Variants in CCDC178 observed in about 807,000 individuals in gnomAD.
CCDC178 encodes coiled-coil domain containing 178.
Under a neutral mutation model 117.4 loss-of-function variants are expected in CCDC178, and 126 were observed. That is an observed-to-expected ratio of 1.07 (90% CI 0.93 to 1.24). The LOEUF is 1.24. Among genes scored for constraint, CCDC178 ranks in the 50% most tolerant of loss-of-function variants. CCDC178 has a pLI of 0.00. For missense variants in CCDC178, 1,030 were observed against 986.9 expected, an observed-to-expected ratio of 1.04 and a Z score of -0.59; for synonymous variants, 283 against 313.4, an observed-to-expected ratio of 0.90 and a Z score of 1.02.
At chr18:32,968,103 T>G (rs367549992) in intron 22 of CCDC178, among the ~76,000 whole-genome samples, 61 of 151,998 alleles carry the variant, frequency 4.0e-4, no homozygotes, top group African/African-American at 1.4e-3. Flanking sequence ...TCCTGTCTAA[T>G]TGTAACGTTG....
intron 11 of CCDC178, among the ~76,000 whole-genome samples, chr18:33,307,665 T>A (rs1485881635): frequency 1.3e-5 from 2 of 152,112 alleles, no homozygotes. Flanking sequence ...TCATTACAGG[T>A]CTGGAGGCCT....
At chr18:33,191,782 G>A (rs1005717588) in intron 20 of CCDC178, among the ~76,000 whole-genome samples, 9 of 151,960 alleles carry the variant, frequency 5.9e-5, no homozygotes, top group African/African-American at 1.5e-4. Context: ...AAAATAAAAC[G>A]AGAGACAGAC....
At chr18:33,336,157 G>A (rs2062737260) in intron 9 of CCDC178, among the ~76,000 whole-genome samples, 1 of 152,070 alleles carries the variant, frequency 6.6e-6, no homozygotes, top group Non-Finnish European at 1.5e-5. Context: ...TTGTATAAGA[G>A]AAACAAACAA....
intron 20 of CCDC178, among the ~76,000 whole-genome samples, chr18:33,111,809 G>A (rs2057786666): frequency 6.6e-6 from 1 of 151,690 alleles, no homozygotes; most frequent in South Asian, 2.1e-4. Context: ...TAACTGGGTA[G>A]AAGTGAAAAT....
intron 9 of CCDC178, 108 bp from the exon 10 acceptor site, chr18:33,333,502 ACT>A: frequency 2.4e-6 from 1 of 420,654 alleles, no homozygotes. Flanking sequence ...TGTGAATCTT[ACT>A]ACTTTTTTTT....
intron 9 of CCDC178, among the ~76,000 whole-genome samples, chr18:33,336,134 T>A (rs771529546): frequency 6.6e-6 from 1 of 152,134 alleles, no homozygotes; most frequent in Non-Finnish European, 1.5e-5. Context: ...TCAGGAAGCA[T>A]TGTTTTCTTC....
Position 33,080,400 on chromosome 18 carries a change from A to G in CCDC178, c.2388+12361T>C, listed in dbSNP as rs185398374. 6.6e-5 allele frequency among the ~76,000 whole-genome samples: 10 copies of G among 152,232 alleles called. No individual in the cohort carries two copies. In the East Asian group the frequency reaches 1.9e-3, roughly 29 times the overall value. The stretch of plus-strand genomic sequence containing the variant: ...ACCTATGTAACAAACCTGCACATGT[A>G]ACCCTGAACCTAAAATAAAAGTTAA... On this transcript the variant is annotated intron_variant, in intron 21 of 22. Transcript: ENST00000383096.
At chr18:33,055,335 ATTCTTTTTCTTTTTTTTAAG>A in intron 21 of CCDC178, among the ~76,000 whole-genome samples, 2 of 151,720 alleles carry the variant, frequency 1.3e-5, no homozygotes, top group African/African-American at 4.8e-5. Flanking sequence ...TTAACTTCCT[ATTCTTTTTCTTTTTTTTAAG>A]ACAGGGTCTC....
intron 22 of CCDC178, among the ~76,000 whole-genome samples, chr18:32,945,964 C>G (rs531948756): frequency 6.6e-6 from 1 of 151,866 alleles, no homozygotes; most frequent in Non-Finnish European, 1.5e-5. Flanking sequence ...AATTATCTTT[C>G]TTTATGTTAA....
Position 33,412,051 on chromosome 18 carries a change from C to G in CCDC178, c.38G>C (p.Arg13Thr). The G allele has an allele frequency of 6.6e-7, 1 of 1,504,394 alleles. No homozygotes were observed. Among genetic ancestry groups the G allele is most frequent in the Non-Finnish European group, 9.2e-7 (1 of 1,092,534 alleles). 93.2% of individuals were successfully genotyped at this position (1,504,394 alleles called of 1,614,324 possible). ...CTTACCTATATTGGTTTGATCATCT[C>G]TAGTGGAAGAAGAGGAAACTGTCTT... Reference protein sequence around the residue: ...ENKTVSSSSTRDDQTNIGLTC... With the variant: ...ENKTVSSSSTTDDQTNIGLTC... The change falls in exon 3 of 23, where the codon AGA (arginine) becomes ACA (threonine). Residue 13 changes from arginine to threonine, a missense_variant. Physicochemically the swap from Arg to Thr is moderately conservative, Grantham distance 71 (BLOSUM62 -1). Coordinates refer to ENST00000383096, the MANE Select transcript of CCDC178 (RefSeq NM_001105528.4).
chr18:33,202,381 G>T (rs1285668493), intron 20 of CCDC178, among the ~76,000 whole-genome samples: 4 of 89,060 alleles, frequency 4.5e-5, no homozygotes, highest in Admixed American at 2.0e-4. Context: ...AACAGAGCAA[G>T]ACTCCATCTT....
At chr18:33,302,370 C>G (rs190551073) in intron 11 of CCDC178, among the ~76,000 whole-genome samples, 1 of 152,010 alleles carries the variant, frequency 6.6e-6, no homozygotes, top group East Asian at 1.9e-4. Context: ...GGTGAGAATG[C>G]AAAAAAATAA....
At chr18:33,114,422 A>G (rs1164293734) in intron 20 of CCDC178, among the ~76,000 whole-genome samples, 1 of 151,990 alleles carries the variant, frequency 6.6e-6, no homozygotes, top group Non-Finnish European at 1.5e-5. Context: ...GTAATTGAGA[A>G]GGGGAACACT....
At chr18:33,384,055 T>A (rs976106304) in intron 5 of CCDC178, among the ~76,000 whole-genome samples, 1 of 152,016 alleles carries the variant, frequency 6.6e-6, no homozygotes, top group East Asian at 1.9e-4. Flanking sequence ...GCACGGGAAC[T>A]TCATGATGCA....
At chr18:32,965,177 C>T (rs2054786086) in intron 22 of CCDC178, among the ~76,000 whole-genome samples, 1 of 151,830 alleles carries the variant, frequency 6.6e-6, no homozygotes, top group African/African-American at 2.4e-5. Context: ...CTCATCAATC[C>T]CTTCAGCCAC....
intron 12 of CCDC178, among the ~76,000 whole-genome samples, chr18:33,276,112 A>C (rs184473323): frequency 6.6e-6 from 1 of 152,054 alleles, no homozygotes; most frequent in Admixed American, 6.6e-5. Flanking sequence ...ACATGATGTT[A>C]GGCATGGAAA....
In CCDC178 at chr18:33,346,991, A is replaced by T. The variant is rs1407482697; in HGVS notation, c.458-580T>A. ...TGTGATTCCTGGTTCACAGTTCTGG[A>T]ATGATGCGGCTTAATGTTAACAAAA... On this transcript the variant is annotated intron_variant, in intron 8 of 22. Coordinates refer to ENST00000383096, the MANE Select transcript of CCDC178 (RefSeq NM_001105528.4). Among the ~76,000 whole-genome samples, 5 of 152,276 alleles carry T rather than the reference A, an allele frequency of 3.3e-5. No homozygotes were observed. In the East Asian group the frequency reaches 9.6e-4, roughly 29 times the overall value.
At chr18:33,408,824 T>C (rs963549669) in intron 3 of CCDC178, among the ~76,000 whole-genome samples, 2 of 152,186 alleles carry the variant, frequency 1.3e-5, no homozygotes, top group Non-Finnish European at 2.9e-5. Context: ...AATGTGATGC[T>C]GCCATGAAAT....
At chr18:33,310,589 G>A (rs966148833) in intron 11 of CCDC178, among the ~76,000 whole-genome samples, 20 of 152,084 alleles carry the variant, frequency 1.3e-4, no homozygotes, top group African/African-American at 4.8e-4. Flanking sequence ...AAGGGGCTAG[G>A]GAGGGAGAAT....
Sources: allele counts gnomAD v4.1 joint callset (sites outside exome capture counted in the v4.1 genomes callset), GRCh38; gene constraint gnomAD v4.1.1; transcripts MANE v1.5; gene names NCBI Gene and HGNC (gene_info 2026-07-23, HGNC 2026-07-21).